SLC8A1: variants seen among roughly 807,000 people sequenced by gnomAD.
SLC8A1 encodes the protein solute carrier family 8 member A1.
In SLC8A1, 18 loss-of-function variants were observed where a neutral mutation model predicts 68.3. The ratio of observed to expected loss-of-function variants is 0.26; its 90% CI spans 0.18 to 0.39. The LOEUF (loss-of-function observed/expected upper bound fraction) is 0.39, where lower values mean the gene tolerates loss of function less well. SLC8A1 is among the 10% of genes least tolerant of loss of function. SLC8A1 has a pLI of 1.00. For missense variants in SLC8A1, 985 were observed against 1,156.7 expected (o/e 0.85, Z 2.15); for synonymous variants, 475 against 415.5 (o/e 1.14, Z -1.74).
intron 1 of SLC8A1, among the ~76,000 whole-genome samples, chr2:40,434,482 T>C (rs566038538): frequency 7.9e-5 from 12 of 152,304 alleles, no homozygotes; most frequent in African/African-American, 2.9e-4. Context: ...TTCAAAGTAG[T>C]TCTACTAAAC....
intron 1 of SLC8A1, among the ~76,000 whole-genome samples, chr2:40,504,863 T>C (rs904826014): frequency 6.6e-6 from 1 of 151,988 alleles, no homozygotes; most frequent in Non-Finnish European, 1.5e-5. Flanking sequence ...TTGGTGGGAA[T>C]GTAAATTAGT....
chr2:40,269,864 T>C (rs974993528), intron 2 of SLC8A1, among the ~76,000 whole-genome samples: 2 of 152,096 alleles, frequency 1.3e-5, no homozygotes, highest in Non-Finnish European at 2.9e-5. Context: ...GTTACATATG[T>C]ATATAGCACA....
chr2:40,239,493 A>C (rs932075339), intron 2 of SLC8A1, among the ~76,000 whole-genome samples: 2 of 152,308 alleles, frequency 1.3e-5, no homozygotes, highest in Admixed American at 1.3e-4. Context: ...CCAATGCCTA[A>C]AAAAGTTAGG....
At chr2:40,420,826 G>T (rs1695295351) in intron 2 of SLC8A1, among the ~76,000 whole-genome samples, 1 of 152,076 alleles carries the variant, frequency 6.6e-6, no homozygotes, top group Non-Finnish European at 1.5e-5. Context: ...TTCAAAGGAA[G>T]AAACAGCCCT....
chr2:40,118,549 C>A (rs1163356793), intron 7 of SLC8A1: 2 of 141,254 alleles, frequency 1.4e-5, no homozygotes, highest in Non-Finnish European at 3.0e-5. Context: ...GTTTCTTGTA[C>A]TTCATTATTA....
rs201496371 is a variant in SLC8A1, at chr2:40,388,840, C to T, written c.1808+39633G>A. On this transcript the variant is annotated intron_variant, in intron 2 of 7. Coordinates refer to ENST00000406785, the Ensembl canonical transcript of SLC8A1. ...AAGTAGAATCCAAATACCCAAATAA[C>T]GGGTGTGTTAGATAAAACTATTAAA... Among the ~76,000 whole-genome samples, 16 of 152,074 alleles carry T rather than the reference C, an allele frequency of 1.1e-4. No homozygotes were observed. In the East Asian group the frequency reaches 1.4e-3, roughly 13 times the overall value.
chr2:40,179,008 T>C (rs906890744), intron 2 of SLC8A1, among the ~76,000 whole-genome samples: 1 of 149,686 alleles, frequency 6.7e-6, no homozygotes, highest in African/African-American at 2.4e-5. Flanking sequence ...CATAAATTGT[T>C]ATTAAAATAA....
rs558850701 is a variant in SLC8A1 at position 40,311,385 on chromosome 2, AAAAT to A, written c.1808+117084_1808+117087del. ...CATTTTTTCTTCAGAAAAAAAATTA[AAAAT>A]AAATAAATTTTAAAAATAGCCTTCA... On this transcript the variant is annotated intron_variant, in intron 2 of 7. Transcript: ENST00000406785. Among the ~76,000 whole-genome samples, 301 of 152,200 alleles carry A rather than the reference AAAAT, an allele frequency of 2.0e-3. 1 individual carries two copies. Among genetic ancestry groups the A allele is most frequent in the African/African-American group, 6.0e-3 (250 of 41,546 alleles).
At chr2:40,104,515 A>T (rs1455084170) in exon 8 of SLC8A1, 1 of 152,170 alleles carries the variant, frequency 6.6e-6, no homozygotes, top group African/African-American at 2.4e-5. Flanking sequence ...CTGTTAGAGG[A>T]AAGTTTCTTG....
intron 7 of SLC8A1, among the ~76,000 whole-genome samples, chr2:40,125,950 A>T (rs2037996407): frequency 1.3e-5 from 2 of 152,176 alleles, no homozygotes; most frequent in South Asian, 4.1e-4. Context: ...ACGTCCATGA[A>T]TGTTATACTA....
At chr2:40,493,993 T>C (rs1310139836) in intron 1 of SLC8A1, among the ~76,000 whole-genome samples, 1 of 151,886 alleles carries the variant, frequency 6.6e-6, no homozygotes, top group Non-Finnish European at 1.5e-5. Flanking sequence ...CTTCTTCAAA[T>C]ATTAATACAA....
intron 2 of SLC8A1, among the ~76,000 whole-genome samples, chr2:40,261,966 C>CT (rs35330106): frequency 0.16 from 22,300 of 141,976 alleles, 1,913 homozygotes; most frequent in Admixed American, 0.28. Flanking sequence ...TGTCTTTTCA[C>CT]TTTTTTTTTT....
chr2:40,392,739 C>T (rs534083903), intron 2 of SLC8A1, among the ~76,000 whole-genome samples: 26 of 151,804 alleles, frequency 1.7e-4, no homozygotes, highest in African/African-American at 5.8e-4. Flanking sequence ...ATCACAGTAC[C>T]GGAAAAAAGA....
At chr2:40,471,195 AT>A (rs1242352482) in intron 1 of SLC8A1, among the ~76,000 whole-genome samples, 1 of 152,184 alleles carries the variant, frequency 6.6e-6, no homozygotes, top group African/African-American at 2.4e-5. Flanking sequence ...TGACATAAGT[AT>A]TGATAACTTT....
At chr2:40,347,263 A>G (rs938648532) in intron 2 of SLC8A1, among the ~76,000 whole-genome samples, 1 of 152,240 alleles carries the variant, frequency 6.6e-6, no homozygotes, top group African/African-American at 2.4e-5. Context: ...GGCCTCCCAA[A>G]GTGCTAGGAT....
intron 2 of SLC8A1, among the ~76,000 whole-genome samples, chr2:40,388,623 C>T (rs1426172295): frequency 1.3e-5 from 2 of 152,156 alleles, no homozygotes; most frequent in East Asian, 1.9e-4. Flanking sequence ...GTTAAACACA[C>T]TGGTTTTTGA....
At chr2:40,312,939 T>C (rs1385007577) in intron 2 of SLC8A1, among the ~76,000 whole-genome samples, 1 of 151,938 alleles carries the variant, frequency 6.6e-6, no homozygotes, top group African/African-American at 2.4e-5. Context: ...ATCTAATGGG[T>C]TTTGAAATAC....
intron 2 of SLC8A1, among the ~76,000 whole-genome samples, chr2:40,423,636 T>G (rs1462143836): frequency 1.3e-5 from 2 of 151,992 alleles, no homozygotes; most frequent in African/African-American, 4.8e-5. Flanking sequence ...CAAAATTCCT[T>G]TACATAATGA....
chr2:40,138,257 C>T (rs917662654), intron 7 of SLC8A1, among the ~76,000 whole-genome samples: 15 of 152,266 alleles, frequency 9.9e-5, no homozygotes, highest in African/African-American at 2.6e-4. Flanking sequence ...GAAAGAAATA[C>T]ATGATTTAAA....
Sources: allele counts gnomAD v4.1 joint callset (sites outside exome capture counted in the v4.1 genomes callset), GRCh38; gene constraint gnomAD v4.1.1; transcripts MANE v1.5; gene names NCBI Gene and HGNC (gene_info 2026-07-23, HGNC 2026-07-21).